MDGA2: variants seen among roughly 807,000 people sequenced by gnomAD.
MDGA2 encodes the protein MAM domain containing glycosylphosphatidylinositol anchor 2, also known as MAM domain-containing glycosylphosphatidylinositol anchor protein 2.
A neutral mutation model predicts 117.8 loss-of-function variants in MDGA2; 40 were observed. That is an observed-to-expected ratio of 0.34 (90% CI 0.26 to 0.44). The LOEUF is 0.44. Among genes scored for constraint, MDGA2 ranks in the 20% least tolerant of loss-of-function variants. MDGA2 has a pLI of 1.00. For missense variants in MDGA2, 1,123 were observed against 1,250.6 expected (o/e 0.90, Z 1.54); for synonymous variants, 452 against 439.0 (o/e 1.03, Z -0.37).
chr14:46,886,952 GTC>G (rs1882700495), intron 10 of MDGA2, among the ~76,000 whole-genome samples: 1 of 151,986 alleles, frequency 6.6e-6, no homozygotes, highest in South Asian at 2.1e-4. Flanking sequence ...AAAATTCTAA[GTC>G]TCAACCATCA....
chr14:46,905,853 G>A (rs1311448766), intron 10 of MDGA2, among the ~76,000 whole-genome samples: 1 of 152,018 alleles, frequency 6.6e-6, no homozygotes, highest in African/African-American at 2.4e-5. Flanking sequence ...TTTTCTGGAA[G>A]TAGTAAAAGT....
intron 1 of MDGA2, among the ~76,000 whole-genome samples, chr14:47,671,583 T>G (rs1482144129): frequency 1.3e-5 from 2 of 152,218 alleles, no homozygotes. Flanking sequence ...ACCATGATAC[T>G]AGAAAACACT....
At chr14:47,620,343 T>A (rs1344070477) in intron 1 of MDGA2, among the ~76,000 whole-genome samples, 1 of 152,244 alleles carries the variant, frequency 6.6e-6, no homozygotes, top group Non-Finnish European at 1.5e-5. Flanking sequence ...GACACCACTG[T>A]GATATTGTTA....
intron 3 of MDGA2, among the ~76,000 whole-genome samples, chr14:47,216,219 C>T (rs1435658252): frequency 2.0e-5 from 3 of 152,030 alleles, no homozygotes; most frequent in South Asian, 2.1e-4. Flanking sequence ...GTGAATTTCC[C>T]GCTTTATATT....
At chr14:47,584,752 T>G (rs1896292989) in intron 1 of MDGA2, among the ~76,000 whole-genome samples, 1 of 151,960 alleles carries the variant, frequency 6.6e-6, no homozygotes, top group African/African-American at 2.4e-5. Context: ...TTCAAACTTC[T>G]TATAATCCCA....
intron 10 of MDGA2, among the ~76,000 whole-genome samples, chr14:46,905,293 G>T (rs1883445031): frequency 6.6e-6 from 1 of 152,166 alleles, no homozygotes; most frequent in Admixed American, 6.5e-5. Context: ...TTTTTAAGCA[G>T]TTGGGACTTC....
chr14:46,992,488 T>A (rs1269710870), intron 8 of MDGA2, among the ~76,000 whole-genome samples: 1 of 152,164 alleles, frequency 6.6e-6, no homozygotes, highest in Non-Finnish European at 1.5e-5. Flanking sequence ...TACAATGAAA[T>A]GCTTCAGAAC....
chr14:46,930,543 T>TC (rs1884530336), intron 9 of MDGA2, among the ~76,000 whole-genome samples: 1 of 152,204 alleles, frequency 6.6e-6, no homozygotes, highest in Non-Finnish European at 1.5e-5. Context: ...TTATTTTCCT[T>TC]GCTTAAATAA....
intron 1 of MDGA2, among the ~76,000 whole-genome samples, chr14:47,304,975 T>C (rs1296061543): frequency 5.3e-5 from 8 of 152,198 alleles, no homozygotes; most frequent in African/African-American, 1.9e-4. Flanking sequence ...TATTTATTGC[T>C]TTGTGATTTT....
At chr14:47,662,160 G>C (rs1897862254) in intron 1 of MDGA2, among the ~76,000 whole-genome samples, 1 of 152,116 alleles carries the variant, frequency 6.6e-6, no homozygotes, top group African/African-American at 2.4e-5. Flanking sequence ...TGCCAACACT[G>C]AATTAGAGTC....
At chr14:47,281,770 C>T (rs1888498267) in intron 2 of MDGA2, among the ~76,000 whole-genome samples, 2 of 152,090 alleles carry the variant, frequency 1.3e-5, no homozygotes, top group East Asian at 1.9e-4. Flanking sequence ...AAAGAAGACA[C>T]TTTCGGCTAG....
At chr14:47,105,477 C>T (rs1880603600) in intron 5 of MDGA2, among the ~76,000 whole-genome samples, 2 of 151,632 alleles carry the variant, frequency 1.3e-5, no homozygotes. Context: ...AGCCTGTGTT[C>T]TCAAAAACTT....
chr14:47,232,995 C>T (rs577781943), intron 2 of MDGA2, among the ~76,000 whole-genome samples: 148 of 152,178 alleles, frequency 9.7e-4, no homozygotes, highest in Non-Finnish European at 1.8e-3. Flanking sequence ...AGCTACTCTG[C>T]GTAATTCATA....
intron 1 of MDGA2, among the ~76,000 whole-genome samples, chr14:47,415,758 A>T (rs1433030728): frequency 6.6e-6 from 1 of 152,122 alleles, no homozygotes; most frequent in Admixed American, 6.5e-5. Context: ...GTTTGAGATG[A>T]AGGGGCTAGC....
chr14:47,588,503 T>C (rs190693994), intron 1 of MDGA2, among the ~76,000 whole-genome samples: 19 of 151,980 alleles, frequency 1.3e-4, no homozygotes, highest in Admixed American at 1.1e-3. Flanking sequence ...TATCTTTCCA[T>C]ATGCCTATTA....
At chr14:47,202,726 G>T (rs1594719538) in intron 3 of MDGA2, among the ~76,000 whole-genome samples, 2 of 152,178 alleles carry the variant, frequency 1.3e-5, no homozygotes, top group Admixed American at 6.5e-5. Context: ...GAAAATATCT[G>T]AATTATAAAA....
intron 1 of MDGA2, among the ~76,000 whole-genome samples, chr14:47,315,710 T>C (rs1032013583): frequency 5.3e-5 from 8 of 152,138 alleles, no homozygotes; most frequent in Admixed American, 2.0e-4. Context: ...ACCGTCTCTG[T>C]CAACTTGGCA....
chr14:47,652,373 A>G (rs939207453), intron 1 of MDGA2, among the ~76,000 whole-genome samples: 1 of 152,198 alleles, frequency 6.6e-6, no homozygotes, highest in African/African-American at 2.4e-5. Context: ...AATTATTCAC[A>G]GAGAAATCGG....
chr14:47,434,908 G>A (rs2138534336), intron 1 of MDGA2, among the ~76,000 whole-genome samples: 1 of 152,222 alleles, frequency 6.6e-6, no homozygotes, highest in East Asian at 1.9e-4. Context: ...GGTCAAGGTG[G>A]GTGGATCACT....
Sources: allele counts gnomAD v4.1 joint callset (sites outside exome capture counted in the v4.1 genomes callset), GRCh38; gene constraint gnomAD v4.1.1; transcripts MANE v1.5; gene names NCBI Gene and HGNC (gene_info 2026-07-23, HGNC 2026-07-21).